Variants in ADCY5 observed in about 807,000 individuals in gnomAD.
ADCY5 encodes the protein adenylate cyclase 5.
Under a neutral mutation model 119.7 loss-of-function variants are expected in ADCY5, and 30 were observed. The observed-to-expected ratio is 0.25, with a 90% CI of 0.19 to 0.34. ADCY5 has a LOEUF of 0.34. ADCY5 is among the 10% of genes least tolerant of loss of function. The pLI, the probability that ADCY5 is intolerant of heterozygous loss-of-function variation, is 1.00. For missense variants in ADCY5, 1,324 were observed against 1,775.2 expected (o/e 0.75, Z 4.57); for synonymous variants, 753 against 762.2 (o/e 0.99, Z 0.20).
At chr3:123,443,270 C>T (rs1945753474) in intron 1 of ADCY5, among the ~76,000 whole-genome samples, 2 of 152,076 alleles carry the variant, frequency 1.3e-5, no homozygotes, top group African/African-American at 4.8e-5. Context: ...TACTTACTTC[C>T]CTGGGGAGCC....
At position 123,448,661 on chromosome 3, in the gene ADCY5, G is replaced by T; in HGVS notation, c.-116C>A. 9.4e-6 allele frequency: 9 copies of T among 953,380 alleles called. No homozygotes were observed. The highest frequency in any genetic ancestry group is 1.2e-5 in the Non-Finnish European group (9 of 732,808). 59.1% of individuals were successfully genotyped at this position (953,380 alleles called of 1,614,324 possible). A position where few individuals can be genotyped will look rare whatever the true frequency, so the allele number is the denominator to read the frequency against. On this transcript the variant is annotated 5_prime_UTR_variant, in exon 1 of 21. Coordinates refer to ENST00000462833, the MANE Select transcript of ADCY5 (RefSeq NM_183357.3). Reference sequence around the variant, plus strand: ...CAGGCTAGGGTCACACGTCGGGGGCGGCCCGGGGCCCTGCGCTGCAGCGGG... The same window carrying T: ...CAGGCTAGGGTCACACGTCGGGGGCTGCCCGGGGCCCTGCGCTGCAGCGGG...
intron 2 of ADCY5, among the ~76,000 whole-genome samples, chr3:123,351,117 T>A (rs191924657): frequency 1.9e-4 from 29 of 151,906 alleles, no homozygotes; most frequent in Non-Finnish European, 3.5e-4. Flanking sequence ...ACTGGTCAGC[T>A]TAAGTGGAGA....
intron 10 of ADCY5, 183 bp from the exon 11 acceptor site, chr3:123,318,300 C>T (rs544232960): frequency 1.8e-6 from 1 of 561,036 alleles, no homozygotes; most frequent in Non-Finnish European, 3.2e-6. Context: ...TCCAGATCAC[C>T]AGAAGGTAGT....
chr3:123,358,489 A>G (rs1010294384), intron 1 of ADCY5, among the ~76,000 whole-genome samples: 3 of 152,206 alleles, frequency 2.0e-5, no homozygotes, highest in African/African-American at 7.2e-5. Flanking sequence ...AGTCCCAGCT[A>G]CTTGGGAGGC....
At chr3:123,358,970 T>C (rs993003416) in intron 1 of ADCY5, among the ~76,000 whole-genome samples, 3 of 152,100 alleles carry the variant, frequency 2.0e-5, no homozygotes, top group African/African-American at 4.8e-5. Flanking sequence ...GGGGGCTCCA[T>C]GGGCCCACTG....
At chr3:123,289,155 T>C (rs1938973934) in intron 19 of ADCY5, among the ~76,000 whole-genome samples, 1 of 152,270 alleles carries the variant, frequency 6.6e-6, no homozygotes. Context: ...TATTTCACTT[T>C]GTTTTGCTAA....
At chr3:123,292,700 C>T (rs1405836420) in intron 17 of ADCY5, among the ~76,000 whole-genome samples, 1 of 152,124 alleles carries the variant, frequency 6.6e-6, no homozygotes, top group Non-Finnish European at 1.5e-5. Context: ...CAGCTATGCC[C>T]ACGGGAGAAG....
At chr3:123,387,200 T>C (rs1009301709) in intron 1 of ADCY5, among the ~76,000 whole-genome samples, 2 of 152,216 alleles carry the variant, frequency 1.3e-5, no homozygotes, top group Non-Finnish European at 2.9e-5. Context: ...ATTATTCATG[T>C]GTGTGGGTTG....
intron 19 of ADCY5, among the ~76,000 whole-genome samples, chr3:123,289,402 G>C (rs560209379): frequency 6.6e-6 from 1 of 152,252 alleles, no homozygotes; most frequent in African/African-American, 2.4e-5. Context: ...CATGCCCTCG[G>C]CACAGAGCAT....
Position 123,303,049 on chromosome 3 carries a change from C to G in ADCY5, c.2724+6G>C. On this transcript the variant is annotated splice_donor_region_variant and intron_variant, in intron 14 of 20. Coordinates refer to ENST00000462833, the MANE Select transcript of ADCY5 (RefSeq NM_183357.3). ...CACTCCCTTCCAGCCCCTGTGCACCCAGTACCTCGGGGAAGTTGCAGTTGG... is the reference window on the plus strand; with the variant it reads ...CACTCCCTTCCAGCCCCTGTGCACCGAGTACCTCGGGGAAGTTGCAGTTGG... 6.2e-7 allele frequency: 1 copy of G among 1,613,270 alleles called. No homozygotes were observed. The highest frequency in any genetic ancestry group is 8.5e-7 in the Non-Finnish European group (1 of 1,179,870).
intron 7 of ADCY5, among the ~76,000 whole-genome samples, chr3:123,326,810 C>T (rs891581764): frequency 2.6e-5 from 4 of 152,144 alleles, no homozygotes; most frequent in Middle Eastern, 3.2e-3. Flanking sequence ...CCTCTTGGCA[C>T]GGGCACCTGC....
intron 3 of ADCY5, among the ~76,000 whole-genome samples, chr3:123,345,491 G>C (rs1023414296): frequency 6.6e-6 from 1 of 152,208 alleles, no homozygotes; most frequent in African/African-American, 2.4e-5. Context: ...CAATGCCTGG[G>C]CCAGTGAGGT....
At chr3:123,442,728 C>A (rs1405341634) in intron 1 of ADCY5, among the ~76,000 whole-genome samples, 1 of 152,174 alleles carries the variant, frequency 6.6e-6, no homozygotes, top group African/African-American at 2.4e-5. Flanking sequence ...CTGAAGTCCT[C>A]CCCCAGGGAT....
intron 1 of ADCY5, among the ~76,000 whole-genome samples, chr3:123,393,564 T>TAATAAAA (rs113863106): frequency 8.4e-5 from 12 of 143,526 alleles, no homozygotes; most frequent in African/African-American, 3.2e-4. Flanking sequence ...TTCTAAAAAA[T>TAATAAAA]TAAAATAAAA....
At chr3:123,356,606 A>G (rs1943047927) in intron 1 of ADCY5, among the ~76,000 whole-genome samples, 1 of 152,240 alleles carries the variant, frequency 6.6e-6, no homozygotes, top group South Asian at 2.1e-4. Flanking sequence ...CTATCATACA[A>G]ATTTTTAAAA....
intron 12 of ADCY5, among the ~76,000 whole-genome samples, chr3:123,308,702 A>T (rs1382590207): frequency 6.6e-6 from 1 of 152,176 alleles, no homozygotes; most frequent in East Asian, 1.9e-4. Context: ...GGTGGCAGGC[A>T]CCTGTAGTCC....
chr3:123,310,831 A>G (rs1345803870), intron 12 of ADCY5, among the ~76,000 whole-genome samples: 1 of 152,184 alleles, frequency 6.6e-6, no homozygotes, highest in Non-Finnish European at 1.5e-5. Flanking sequence ...ATGAAGACCA[A>G]GGCACCAAGT....
intron 10 of ADCY5, among the ~76,000 whole-genome samples, chr3:123,319,353 CAA>C (rs34573753): frequency 7.7e-4 from 91 of 118,406 alleles, no homozygotes; most frequent in Admixed American, 1.3e-3. Context: ...AACTCCGTCT[CAA>C]AAAAAAAAAA....
intron 1 of ADCY5, among the ~76,000 whole-genome samples, chr3:123,426,469 G>A (rs555882709): frequency 4.6e-5 from 7 of 151,940 alleles, no homozygotes; most frequent in South Asian, 2.1e-4. Flanking sequence ...GACTACAGGC[G>A]TGCGCCACCA....
Sources: allele counts gnomAD v4.1 joint callset (sites outside exome capture counted in the v4.1 genomes callset), GRCh38; gene constraint gnomAD v4.1.1; transcripts MANE v1.5; gene names NCBI Gene and HGNC (gene_info 2026-07-23, HGNC 2026-07-21).